Variants in TMPRSS4 observed in about 807,000 individuals in gnomAD.
TMPRSS4 encodes transmembrane serine protease 4.
Under a neutral mutation model 56.4 loss-of-function variants are expected in TMPRSS4, and 45 were observed. That is an observed-to-expected ratio of 0.80 (90% CI 0.63 to 1.02). The LOEUF is 1.02. Ranked by LOEUF, TMPRSS4 falls within the 50% of genes least tolerant of loss-of-function variation. The pLI, the probability that TMPRSS4 is intolerant of heterozygous loss-of-function variation, is 0.00. For missense variants in TMPRSS4, 546 were observed against 556.7 expected (o/e 0.98, Z 0.19); for synonymous variants, 205 against 211.0 (o/e 0.97, Z 0.25).
intron 11 of TMPRSS4, among the ~76,000 whole-genome samples, chr11:118,116,715 C>CTT (rs58251133): frequency 0.056 from 6,937 of 123,236 alleles, 767 homozygotes; most frequent in East Asian, 0.4. Context: ...GATAACCAGG[C>CTT]TTTTTTTTTT....
intron 1 of TMPRSS4, among the ~76,000 whole-genome samples, chr11:118,084,009 G>A (rs3949025): frequency 0.39 from 60,019 of 151,950 alleles, 12,732 homozygotes; most frequent in South Asian, 0.54. Flanking sequence ...CTGCACTCCA[G>A]CCTGGGCAAC....
intron 9 of TMPRSS4, among the ~76,000 whole-genome samples, chr11:118,114,053 G>T (rs547556955): frequency 6.6e-6 from 1 of 152,318 alleles, no homozygotes; most frequent in African/African-American, 2.4e-5. Context: ...TTTATTAAAG[G>T]TAGGAGAAGT....
In TMPRSS4 at chr11:118,118,029, G is replaced by T. The variant is rs538163226; in HGVS notation, c.*116G>T. On this transcript the variant is annotated 3_prime_UTR_variant, in exon 13 of 13. Coordinates refer to ENST00000437212, the MANE Select transcript of TMPRSS4 (RefSeq NM_019894.4). ...CCTTGGGTACACCCCTCTGCCCACA[G>T]CCTCAGCATTTCTTGGAGCAGCAAA... is the stretch of plus-strand genomic sequence containing the variant. 6.3e-7 allele frequency: 1 copy of T among 1,580,274 alleles called. No homozygotes were observed. The highest frequency in any genetic ancestry group is 8.6e-7 in the Non-Finnish European group (1 of 1,167,600).
rs369300394 is a variant in TMPRSS4, at chr11:118,077,282, C to G, written c.-21C>G. 2 of 1,600,312 alleles carry G rather than the reference C, an allele frequency of 1.2e-6. No individual in the cohort carries two copies. Among genetic ancestry groups the G allele is most frequent in the African/African-American group, 1.3e-5 (1 of 74,586 alleles). The stretch of plus-strand genomic sequence containing the variant: ...TCTCAGCTCCAGGCTACAGGGAGAC[C>G]GGGAGGATCACAGAGCCAGCATGGT... On this transcript the variant is annotated 5_prime_UTR_variant, in exon 1 of 13. Coordinates refer to ENST00000437212, the MANE Select transcript of TMPRSS4 (RefSeq NM_019894.4).
At chr11:118,101,482 G>C (rs1319195896) in intron 3 of TMPRSS4, among the ~76,000 whole-genome samples, 1 of 151,938 alleles carries the variant, frequency 6.6e-6, no homozygotes, top group Non-Finnish European at 1.5e-5. Flanking sequence ...ATGTCTGTCT[G>C]CTTGTTTGTT....
At chr11:118,125,153 G>A (rs1235648275), downstream of TMPRSS4, 7 of 412,288 alleles carry the variant, frequency 1.7e-5, no homozygotes, top group East Asian at 5.0e-4. Flanking sequence ...ACTGCACCCA[G>A]AGAGCTCTGA....
Position 118,115,191 on chromosome 11 carries a change from C to T in TMPRSS4, c.1063C>T (p.Arg355Trp), listed in dbSNP as rs1193513442. ...QASVQVIDST[R>W]CNADDAYQGE... ...GTCAGTCCAGGTCATTGACAGCACACGGTGCAATGCAGACGATGCGTACCA... is the reference window on the plus strand; with the variant it reads ...GTCAGTCCAGGTCATTGACAGCACATGGTGCAATGCAGACGATGCGTACCA... Residue 355 changes from arginine (R) to tryptophan (W), a missense_variant, in exon 11 of 13, where the codon CGG (arginine) becomes TGG (tryptophan). Coordinates refer to ENST00000437212, the MANE Select transcript of TMPRSS4 (RefSeq NM_019894.4). 9.9e-6 allele frequency: 16 copies of T among 1,612,720 alleles called. No individual in the cohort carries two copies. Among genetic ancestry groups the T allele is most frequent in the South Asian group, 5.5e-5 (5 of 90,286 alleles).
At chr11:118,117,221 A>G (rs1947608906) in intron 11 of TMPRSS4, 84 bp from the exon 12 acceptor site, 1 of 1,390,658 alleles carries the variant, frequency 7.2e-7, no homozygotes, top group Admixed American at 1.7e-5. Context: ...AGGGGAACAG[A>G]TAGGCCAGTT....
chr11:118,092,112 C>G (rs776524419), intron 1 of TMPRSS4, among the ~76,000 whole-genome samples: 1 of 152,082 alleles, frequency 6.6e-6, no homozygotes, highest in African/African-American at 2.4e-5. Flanking sequence ...GGAAAGGAAA[C>G]GCTGACCACC....
chr11:118,085,348 C>G lies in TMPRSS4; in HGVS notation c.3+8043C>G, dbSNP rs553758568. Among the ~76,000 whole-genome samples, 24 of 151,894 alleles carry G rather than the reference C, an allele frequency of 1.6e-4. No individual in the cohort carries two copies. In the East Asian group the frequency reaches 4.3e-3, roughly 27 times the overall value. ...AAGCGATTCTCCTGCCTCAGCCTCC[C>G]GAGTAGCTGGGATTACAGGCACCTG... On this transcript the variant is annotated intron_variant, in intron 1 of 12. Transcript: ENST00000437212.
intron 2 of TMPRSS4, among the ~76,000 whole-genome samples, chr11:118,096,477 T>C (rs978364483): frequency 6.6e-6 from 1 of 152,136 alleles, no homozygotes; most frequent in African/African-American, 2.4e-5. Context: ...CAGAATAAAA[T>C]GTGACCTGTA....
rs186741006 is a variant in TMPRSS4 at position 118,108,803 on chromosome 11, C to A, written c.543-53C>A. 6,211 of 1,604,904 alleles carry A rather than the reference C, an allele frequency of 3.9e-3. 18 individuals carry two copies. The highest frequency in any genetic ancestry group is 4.9e-3 in the Non-Finnish European group (5,740 of 1,173,424). On this transcript the variant is annotated intron_variant, in intron 6 of 12. Transcript: ENST00000437212. ...CAGCTTCGGGAGGCCTGAGTCCCTG[C>A]CTCCCAGCTGAGGAAGAAGCTTAAA...
chr11:118,124,344 C>T (rs947551615), downstream of TMPRSS4, among the ~76,000 whole-genome samples: 4 of 152,038 alleles, frequency 2.6e-5, no homozygotes, highest in African/African-American at 7.3e-5. Flanking sequence ...GAGATGGCGC[C>T]GCTGCACTCC....
At chr11:118,102,971 T>C (rs1946791610) in intron 3 of TMPRSS4, 130 bp from the exon 4 acceptor site, 4 of 1,260,644 alleles carry the variant, frequency 3.2e-6, no homozygotes, top group South Asian at 1.4e-5. Context: ...TGCTACCAAG[T>C]AGCAAAACTG....
intron 7 of TMPRSS4, among the ~76,000 whole-genome samples, chr11:118,110,646 T>G (rs539316841): frequency 1.3e-5 from 2 of 152,320 alleles, no homozygotes; most frequent in East Asian, 3.9e-4. Context: ...GTGCTGGGAT[T>G]ACAGGCATGA....
intron 1 of TMPRSS4, among the ~76,000 whole-genome samples, chr11:118,080,986 C>T (rs905563489): frequency 3.3e-5 from 5 of 152,220 alleles, no homozygotes; most frequent in African/African-American, 9.6e-5. Context: ...TCTTTTAAAC[C>T]TGTTGCCACC....
chr11:118,107,502 G>A, intron 5 of TMPRSS4: 1 of 319,506 alleles, frequency 3.1e-6, no homozygotes, highest in East Asian at 5.0e-5. Flanking sequence ...ATTTCTCCAG[G>A]GCTCTGGGTT....
chr11:118,094,912 A>G (rs895171178), intron 2 of TMPRSS4, 57 bp downstream of exon 2: 1 of 1,589,702 alleles, frequency 6.3e-7, no homozygotes, highest in Non-Finnish European at 8.6e-7. Flanking sequence ...TCAGCTACCA[A>G]GTAGATCCTA....
intron 7 of TMPRSS4, among the ~76,000 whole-genome samples, chr11:118,109,796 G>A (rs551871306): frequency 6.6e-6 from 1 of 152,350 alleles, no homozygotes; most frequent in African/African-American, 2.4e-5. Context: ...CTTTCCTGCA[G>A]GATGTTGAGA....
Sources: gnomAD v4.1 joint callset for allele counts (sites outside exome capture counted in the v4.1 genomes callset) on GRCh38, gnomAD v4.1.1 for gene constraint, MANE v1.5 for transcripts, NCBI Gene and HGNC (gene_info 2026-07-23, HGNC 2026-07-21) for gene names.